Variants in SPATA12 observed in about 807,000 individuals in gnomAD.
The protein encoded by SPATA12 is spermatogenesis-associated protein 12.
For synonymous variants in SPATA12, 85 were observed against 89.2 expected (o/e 0.95, Z 0.26); for missense variants, 219 against 226.4 (o/e 0.97, Z 0.21).
chr3:57,067,011 C>A (rs995148983), intron 1 of SPATA12, among the ~76,000 whole-genome samples: 1 of 152,166 alleles, frequency 6.6e-6, no homozygotes, highest in African/African-American at 2.4e-5. Flanking sequence ...TTCTGTTTCT[C>A]TCCAAACCCT....
intron 1 of SPATA12, among the ~76,000 whole-genome samples, chr3:57,067,643 T>G (rs1327496561): frequency 6.6e-6 from 1 of 150,778 alleles, no homozygotes; most frequent in Non-Finnish European, 1.5e-5. Flanking sequence ...GAGACCAGCC[T>G]GGGTAATACA....
At position 57,073,384 on chromosome 3, in the gene SPATA12, GA is replaced by G; in HGVS notation, c.-310del. On this transcript the variant is annotated 5_prime_UTR_variant, in exon 2 of 2. Transcript: ENST00000334325. ...TTTCTAGCCAAAAGGGAAGGAAAGA[GA>G]GAGAAAGCCACTGGAGTTGGGCAGC... is the stretch of plus-strand genomic sequence containing the variant. The G allele has an allele frequency of 3.3e-6, 1 of 305,452 alleles. No homozygotes were observed. Among genetic ancestry groups the G allele is most frequent in the Non-Finnish European group, 6.0e-6 (1 of 165,294 alleles). The allele number at this position is 305,452 out of a possible 1,614,324, so 18.9% of individuals were successfully genotyped here. A position where few individuals can be genotyped will look rare whatever the true frequency, so the allele number is the denominator to read the frequency against.
chr3:57,063,023 A>G (rs1199088403), intron 1 of SPATA12, among the ~76,000 whole-genome samples: 1 of 152,214 alleles, frequency 6.6e-6, no homozygotes, highest in African/African-American at 2.4e-5. Flanking sequence ...AGAAAAAGCA[A>G]TGAAGGCAAA....
chr3:57,064,875 T>C (rs1297642558), intron 1 of SPATA12, among the ~76,000 whole-genome samples: 4 of 152,212 alleles, frequency 2.6e-5, no homozygotes, highest in Non-Finnish European at 5.9e-5. Flanking sequence ...ATAATATCAG[T>C]ATACGCAACA....
chr3:57,071,259 A>T (rs1003800092), intron 1 of SPATA12, among the ~76,000 whole-genome samples: 9 of 152,216 alleles, frequency 5.9e-5, no homozygotes, highest in Non-Finnish European at 1.2e-4. Context: ...GGATTTCCAT[A>T]TGCAAAAAAT....
rs1706165572 is a variant in SPATA12 at position 57,075,395 on chromosome 3, T to C, written c.*1128T>C. On this transcript the variant is annotated 3_prime_UTR_variant, in exon 2 of 2. Coordinates refer to ENST00000334325, the MANE Select transcript of SPATA12 (RefSeq NM_181727.2). Reference sequence around the variant, plus strand: ...CAATGCCTCGCACAGAGTAGCCCTCTCTCCCTAAATGTTTTTGAATAAATG... The same window carrying C: ...CAATGCCTCGCACAGAGTAGCCCTCCCTCCCTAAATGTTTTTGAATAAATG... 1 of 167,004 alleles carries C rather than the reference T, an allele frequency of 6.0e-6. No individual in the cohort carries two copies. Among genetic ancestry groups the C allele is most frequent in the African/African-American group, 2.4e-5 (1 of 41,422 alleles). 10.3% of individuals were successfully genotyped at this position (167,004 alleles called of 1,614,324 possible). A position where few individuals can be genotyped will look rare whatever the true frequency, so the allele number is the denominator to read the frequency against.
rs139417037 is a variant in SPATA12, at chr3:57,073,869, G to A, written c.175G>A (p.Val59Ile). The change falls in exon 2 of 2, where the codon GTC (valine) becomes ATC (isoleucine). Residue 59 changes from valine (V) to isoleucine (I), a missense_variant. Val to Ile is a conservative substitution (Grantham distance 29). Transcript: ENST00000334325. ...ACTGGCATCATGCCAGGGTCCAGGT[G>A]TCCTGCCAGGAGCAGCCTCTGCCCT... ...CALASCQGPGVLPGAASALPE... is the reference protein window; with the variant it reads ...CALASCQGPGILPGAASALPE... The A allele has an allele frequency of 9.3e-6, 15 of 1,614,196 alleles. No individual in the cohort carries two copies. The African/African-American group carries it at 1.7e-4, about 19-fold the overall frequency.
chr3:57,075,375 C>G lies in SPATA12; in HGVS notation c.*1108C>G, dbSNP rs898468990. The G allele has an allele frequency of 6.0e-6, 1 of 167,090 alleles. No individual in the cohort carries two copies. The highest frequency in any genetic ancestry group is 2.4e-5 in the African/African-American group (1 of 41,438). The allele number at this position is 167,090 out of a possible 1,614,324, so 10.4% of individuals were successfully genotyped here. A position where few individuals can be genotyped will look rare whatever the true frequency, so the allele number is the denominator to read the frequency against. On this transcript the variant is annotated 3_prime_UTR_variant, in exon 2 of 2. Coordinates refer to ENST00000334325, the MANE Select transcript of SPATA12 (RefSeq NM_181727.2). ...CTGTGTGGTCAGTACCAGGGCAATG[C>G]CTCGCACAGAGTAGCCCTCTCTCCC...
At chr3:57,064,376 T>G (rs1396941142) in intron 1 of SPATA12, among the ~76,000 whole-genome samples, 2 of 152,044 alleles carry the variant, frequency 1.3e-5, no homozygotes, top group Non-Finnish European at 2.9e-5. Context: ...CAGGCTGGGA[T>G]GCAGCGGCAA....
chr3:57,070,416 G>A (rs1436900557), intron 1 of SPATA12, among the ~76,000 whole-genome samples: 1 of 152,204 alleles, frequency 6.6e-6, no homozygotes, highest in Non-Finnish European at 1.5e-5. Flanking sequence ...AGTTTTGTCT[G>A]TGCAGTTTGA....
At chr3:57,072,443 T>TA (rs35145725) in intron 1 of SPATA12, among the ~76,000 whole-genome samples, 61,474 of 144,674 alleles carry the variant, frequency 0.42, 14,199 homozygotes, top group Middle Eastern at 0.54. Flanking sequence ...AATAAAGAAT[T>TA]AAAAAAAAAA....
chr3:57,065,791 G>A (rs72874168), intron 1 of SPATA12, among the ~76,000 whole-genome samples: 2,047 of 152,162 alleles, frequency 0.013, 33 homozygotes, highest in Middle Eastern at 0.041. Flanking sequence ...TCCTCATTAC[G>A]GCTGAGTCAC....
At chr3:57,063,112 C>T (rs1203556367) in intron 1 of SPATA12, among the ~76,000 whole-genome samples, 1 of 152,164 alleles carries the variant, frequency 6.6e-6, no homozygotes, top group East Asian at 1.9e-4. Context: ...CCAAGCTCTG[C>T]AGATATTGGG....
At position 57,074,303 on chromosome 3, in the gene SPATA12, G is replaced by C; in HGVS notation, c.*36G>C. Reference sequence around the variant, plus strand: ...TCCTGCAACATCTGAGAGTCTGGCAGCTGTTTGTCTGGGCCTTTGCACATG... The same window carrying C: ...TCCTGCAACATCTGAGAGTCTGGCACCTGTTTGTCTGGGCCTTTGCACATG... On this transcript the variant is annotated 3_prime_UTR_variant, in exon 2 of 2. Coordinates refer to ENST00000334325, the MANE Select transcript of SPATA12 (RefSeq NM_181727.2). The C allele has an allele frequency of 6.3e-7, 1 of 1,577,622 alleles. No individual in the cohort carries two copies. Among genetic ancestry groups the C allele is most frequent in the Non-Finnish European group, 8.7e-7 (1 of 1,155,700 alleles).
At chr3:57,070,557 T>G (rs1705829075) in intron 1 of SPATA12, among the ~76,000 whole-genome samples, 1 of 152,206 alleles carries the variant, frequency 6.6e-6, no homozygotes, top group South Asian at 2.1e-4. Context: ...CCAAGTGATC[T>G]ACAGAGTCAA....
chr3:57,063,191 T>G (rs1705327253), intron 1 of SPATA12, among the ~76,000 whole-genome samples: 1 of 152,008 alleles, frequency 6.6e-6, no homozygotes, highest in African/African-American at 2.4e-5. Flanking sequence ...GGGAACAGCA[T>G]GGAGGTGATG....
intron 1 of SPATA12, among the ~76,000 whole-genome samples, chr3:57,069,656 T>C (rs1705772905): frequency 6.6e-6 from 1 of 152,224 alleles, no homozygotes; most frequent in African/African-American, 2.4e-5. Flanking sequence ...AGCTTTTTTT[T>C]TTCTTTTGAG....
intron 1 of SPATA12, among the ~76,000 whole-genome samples, chr3:57,061,106 T>A (rs1029949469): frequency 6.6e-6 from 1 of 152,160 alleles, no homozygotes; most frequent in African/African-American, 2.4e-5. Context: ...AAACAGAAAC[T>A]GTGTACCCAT....
intron 1 of SPATA12, among the ~76,000 whole-genome samples, chr3:57,063,470 G>C (rs1705347241): frequency 6.6e-6 from 1 of 152,178 alleles, no homozygotes; most frequent in Admixed American, 6.5e-5. Context: ...AGAATGACCT[G>C]GAGGGTGGTA....
Sources: gnomAD v4.1 joint callset for allele counts (sites outside exome capture counted in the v4.1 genomes callset) on GRCh38, gnomAD v4.1.1 for gene constraint, MANE v1.5 for transcripts, NCBI Gene and HGNC (gene_info 2026-07-23, HGNC 2026-07-21) for gene names.